The following ERCC6 variants were observed in gnomAD, a reference collection of about 807,000 sequenced individuals.
ERCC6 encodes DNA excision repair protein ERCC-6.
ERCC6 carries 116 observed loss-of-function variants against 158.7 expected under a neutral mutation model. That is an observed-to-expected ratio of 0.73 (90% CI 0.63 to 0.85). The LOEUF (loss-of-function observed/expected upper bound fraction) is 0.85. ERCC6 is among the 40% of genes least tolerant of loss of function. ERCC6 has a pLI of 0.00. For missense variants in ERCC6, 1,698 were observed against 1,799.4 expected (o/e 0.94, Z 1.02); for synonymous variants, 678 against 659.3 (o/e 1.03, Z -0.43).
At chr10:49,488,857 C>A (rs1261918145) in intron 8 of ERCC6, among the ~76,000 whole-genome samples, 1 of 152,102 alleles carries the variant, frequency 6.6e-6, no homozygotes, top group East Asian at 1.9e-4. Context: ...GATCTCAGCT[C>A]ACTGCAAGTT....
At chr10:49,487,221 T>G (rs998334307) in intron 8 of ERCC6, among the ~76,000 whole-genome samples, 1 of 152,226 alleles carries the variant, frequency 6.6e-6, no homozygotes, top group East Asian at 1.9e-4. Flanking sequence ...ATGTTGTAAT[T>G]CATGTAACAT....
chr10:49,518,239 A>T (rs903287738), intron 5 of ERCC6, among the ~76,000 whole-genome samples: 1 of 152,220 alleles, frequency 6.6e-6, no homozygotes, highest in Non-Finnish European at 1.5e-5. Flanking sequence ...GGAATGGGAC[A>T]TTGGGTTGGA....
At chr10:49,496,100 A>G (rs7920256) in intron 7 of ERCC6, among the ~76,000 whole-genome samples, 29,773 of 151,940 alleles carry the variant, frequency 0.2, 3,328 homozygotes, top group South Asian at 0.35. Flanking sequence ...CCTTCCTCCA[A>G]TCGACCTTCA....
intron 4 of ERCC6, among the ~76,000 whole-genome samples, chr10:49,527,984 GA>G (rs1433280241): frequency 3.5e-4 from 54 of 152,304 alleles, no homozygotes; most frequent in African/African-American, 9.9e-4. Context: ...CAGAGTACCT[GA>G]ATGAAGATGT....
intron 2 of ERCC6, among the ~76,000 whole-genome samples, chr10:49,532,167 A>G (rs533536820): frequency 3.2e-4 from 49 of 152,322 alleles, no homozygotes; most frequent in African/African-American, 1.1e-3. Context: ...GAAAGAAGCT[A>G]CCGCACAGAG....
chr10:49,524,251 C>G lies in ERCC6; in HGVS notation c.1179G>C (p.Ala393=). ...EEDDEVEGAE[A]DLSGDGTDYE... ...AGTCAGTACCATCTCCAGACAGGTC[C>G]GCCTCTGCCCCCTCCACCTCGTCAT... Residue 393 remains alanine (A), a synonymous_variant, in exon 5 of 21, where the codon GCG becomes GCC. Transcript: ENST00000355832. 6.2e-7 allele frequency: 1 copy of G among 1,614,086 alleles called. No homozygotes were observed. The highest frequency in any genetic ancestry group is 8.5e-7 in the Non-Finnish European group (1 of 1,180,032).
intron 7 of ERCC6, among the ~76,000 whole-genome samples, chr10:49,497,605 G>A (rs1003463223): frequency 1.3e-5 from 2 of 152,110 alleles, no homozygotes; most frequent in Admixed American, 1.3e-4. Context: ...AGATCTAGGA[G>A]CAGACCTAGA....
chr10:49,515,278 C>T, intron 5 of ERCC6: 1 of 1,539,808 alleles, frequency 6.5e-7, no homozygotes, highest in Non-Finnish European at 8.7e-7. Flanking sequence ...ACCACTGCTA[C>T]ACTGTACATA....
At chr10:49,515,250 A>G in intron 5 of ERCC6, 1 of 1,455,332 alleles carries the variant, frequency 6.9e-7, no homozygotes, top group Non-Finnish European at 9.0e-7. Context: ...ACGTTCCAAA[A>G]TTGGAACACT....
intron 1 of ERCC6, among the ~76,000 whole-genome samples, chr10:49,534,139 AAAAAAAAAAAAAAAAC>A (rs1207478904): frequency 2.0e-5 from 3 of 146,900 alleles, no homozygotes; most frequent in African/African-American, 7.4e-5. Flanking sequence ...ATCTCAAAAA[AAAAAAAAAAAAAAAAC>A]AAAAAAAAAA....
chr10:49,488,839 A>G (rs1286226268), intron 8 of ERCC6, among the ~76,000 whole-genome samples: 3 of 152,026 alleles, frequency 2.0e-5, no homozygotes, highest in African/African-American at 7.2e-5. Flanking sequence ...ACTGGAGTGC[A>G]GTGGCGTGAT....
the ERCC6 span, among the ~76,000 whole-genome samples, chr10:49,439,349 G>A: frequency 6.6e-6 from 1 of 152,194 alleles, no homozygotes; most frequent in South Asian, 2.1e-4. Context: ...CAAGGCTTGG[G>A]GCTTGCACCA....
chr10:49,517,091 A>T, intron 5 of ERCC6: 3 of 1,599,186 alleles, frequency 1.9e-6, no homozygotes, highest in Non-Finnish European at 2.6e-6. Flanking sequence ...CAGTTATTTC[A>T]TGTAAACTTA....
intron 18 of ERCC6, among the ~76,000 whole-genome samples, chr10:49,462,367 G>C (rs1442054438): frequency 6.6e-6 from 1 of 152,072 alleles, no homozygotes; most frequent in East Asian, 1.9e-4. Flanking sequence ...ACTCCAAATG[G>C]ATCAGAAATC....
At chr10:49,532,284 C>G (rs913272423) in intron 2 of ERCC6, among the ~76,000 whole-genome samples, 1 of 152,060 alleles carries the variant, frequency 6.6e-6, no homozygotes, top group Non-Finnish European at 1.5e-5. Flanking sequence ...GGTGAACAGC[C>G]CTTCTCTTCT....
intron 14 of ERCC6, 72 bp downstream of exon 14, chr10:49,473,405 G>A (rs1850817289): frequency 9.9e-7 from 1 of 1,007,194 alleles, no homozygotes; most frequent in Non-Finnish European, 1.6e-6. Flanking sequence ...GGGTAAGGGT[G>A]TGGATACGCT....
At chr10:49,447,483 C>T in the ERCC6 span, among the ~76,000 whole-genome samples, 1 of 151,986 alleles carries the variant, frequency 6.6e-6, no homozygotes, top group Non-Finnish European at 1.5e-5. Flanking sequence ...GTCAGGAGAT[C>T]GAGACCATCC....
chr10:49,483,404 A>G lies in ERCC6; in HGVS notation c.1934T>C (p.Leu645Ser). ...ATTTCGAATTTTGTGTCCTTCGTCC[A>G]AGATCACATAGTGCCAGTCATACCT... Reference protein sequence around the residue: ...ISRYDWHYVILDEGHKIRNPN... With the variant: ...ISRYDWHYVISDEGHKIRNPN... Residue 645 changes from leucine (L) to serine (S), a missense_variant, in exon 9 of 21, where the codon TTG becomes TCG. Leu to Ser is a moderately radical substitution (Grantham distance 145). Transcript: ENST00000355832. 6.2e-7 allele frequency: 1 copy of G among 1,614,192 alleles called. No homozygotes were observed. The highest frequency in any genetic ancestry group is 8.5e-7 in the Non-Finnish European group (1 of 1,180,008).
At chr10:49,505,850 A>G in intron 6 of ERCC6, 34 bp downstream of exon 6, 1 of 1,611,788 alleles carries the variant, frequency 6.2e-7, no homozygotes, top group Admixed American at 1.7e-5. Context: ...ATGGCTTGAT[A>G]GCAAATAGAA....
Sources: allele counts gnomAD v4.1 joint callset (sites outside exome capture counted in the v4.1 genomes callset), GRCh38; gene constraint gnomAD v4.1.1; transcripts MANE v1.5; gene names NCBI Gene and HGNC (gene_info 2026-07-23, HGNC 2026-07-21).